DGKH: variants seen among roughly 807,000 people sequenced by gnomAD.
DGKH encodes DAG kinase eta.
DGKH carries 90 observed loss-of-function variants against 159.3 expected under a neutral mutation model. That is an observed-to-expected ratio of 0.57 (90% CI 0.48 to 0.67). DGKH has a LOEUF of 0.67. Among genes scored for constraint, DGKH ranks in the 30% least tolerant of loss-of-function variants. The pLI is 0.00. For missense variants in DGKH, 1,181 were observed against 1,506.1 expected (o/e 0.78, Z 3.57); for synonymous variants, 536 against 553.8 (o/e 0.97, Z 0.45).
intron 1 of DGKH, among the ~76,000 whole-genome samples, chr13:42,084,802 T>C (rs1954271581): frequency 6.6e-6 from 1 of 152,086 alleles, no homozygotes; most frequent in Non-Finnish European, 1.5e-5. Context: ...ACAAGGACTT[T>C]AATGCCACCT....
intron 1 of DGKH, among the ~76,000 whole-genome samples, chr13:42,107,477 C>A (rs1048321376): frequency 2.6e-5 from 4 of 152,106 alleles, no homozygotes; most frequent in Admixed American, 2.6e-4. Context: ...TGATGAACAA[C>A]CAATAAAGAT....
chr13:42,141,975 C>G (rs1221788632), intron 3 of DGKH, among the ~76,000 whole-genome samples: 1 of 151,408 alleles, frequency 6.6e-6, no homozygotes, highest in Admixed American at 6.6e-5. Flanking sequence ...TTGCCCATGC[C>G]TATGTCCTGA....
upstream of DGKH, among the ~76,000 whole-genome samples, chr13:42,047,671 C>G (rs955030601): frequency 6.6e-6 from 1 of 152,196 alleles, no homozygotes; most frequent in African/African-American, 2.4e-5. Context: ...AGCCAGCTTG[C>G]AGGGGAGTTG....
At chr13:42,218,923 G>A (rs1957883614) in intron 26 of DGKH, among the ~76,000 whole-genome samples, 1 of 151,788 alleles carries the variant, frequency 6.6e-6, no homozygotes, top group Non-Finnish European at 1.5e-5. Flanking sequence ...CATGAAGGAG[G>A]GAGACAGGAA....
At position 42,131,407 on chromosome 13, in the gene DGKH, C is replaced by T. The variant is rs148130592; in HGVS notation, c.384+1775C>T. 1.2e-3 allele frequency among the ~76,000 whole-genome samples: 188 copies of T among 152,284 alleles called. 1 individual carries two copies. The highest frequency in any genetic ancestry group is 2.6e-3 in the Admixed American group (40 of 15,300). On this transcript the variant is annotated intron_variant, in intron 3 of 29. Coordinates refer to ENST00000337343, the MANE Select transcript of DGKH (RefSeq NM_178009.5). ...TGAGTAAGCTGACGGGTGTAGGAAT[C>T]AGAGCGCAGGTTAAGAGATCAGCAT...
intron 1 of DGKH, among the ~76,000 whole-genome samples, chr13:42,110,817 A>G (rs1954850125): frequency 6.6e-6 from 1 of 152,250 alleles, no homozygotes; most frequent in African/African-American, 2.4e-5. Flanking sequence ...TCTGGTATTT[A>G]TACAGCATGT....
At chr13:42,165,057 CT>C (rs1292010969) in intron 7 of DGKH, among the ~76,000 whole-genome samples, 1 of 152,150 alleles carries the variant, frequency 6.6e-6, no homozygotes. Flanking sequence ...GGTCTCTTCT[CT>C]TTCTCTCTCT....
chr13:42,134,800 C>T (rs761896803), intron 3 of DGKH, among the ~76,000 whole-genome samples: 3 of 151,886 alleles, frequency 2.0e-5, no homozygotes, highest in African/African-American at 4.8e-5. Flanking sequence ...GCTAGGCGAA[C>T]CCCCCTTGTC....
intron 14 of DGKH, among the ~76,000 whole-genome samples, chr13:42,188,817 G>A (rs80259044): frequency 0.02 from 3,102 of 152,132 alleles, 101 homozygotes; most frequent in African/African-American, 0.069. Context: ...TAAATCAAAA[G>A]CCATAATTTA....
intron 30 of DGKH, among the ~76,000 whole-genome samples, chr13:42,254,865 G>A (rs1045296852): frequency 1.3e-5 from 2 of 152,044 alleles, no homozygotes; most frequent in African/African-American, 4.8e-5. Context: ...ATTTTCAAAT[G>A]ATTTTGCCAT....
chr13:42,195,895 A>AT (rs1428655061), intron 17 of DGKH: 2 of 152,242 alleles, frequency 1.3e-5, no homozygotes, highest in Non-Finnish European at 2.9e-5. Flanking sequence ...TTTACAAATA[A>AT]TATATCTGAT....
chr13:42,247,813 C>T (rs1175120337), downstream of DGKH, among the ~76,000 whole-genome samples: 3 of 149,384 alleles, frequency 2.0e-5, no homozygotes, highest in East Asian at 6.0e-4. Context: ...AAAACAAAAA[C>T]AATTTTAATA....
chr13:42,190,422 T>G lies in DGKH; in HGVS notation c.1932T>G (p.Val644=). ...CTGAAGTTATGGATGACCCGACAGT[T>G]CACCCCTGTGAACCAGCTAATCAGT... ...EAGKVMDDPT[V]HPCEPANQSS... Residue 644 remains valine, a synonymous_variant, in exon 16 of 30, where the codon GTT becomes GTG. Transcript: ENST00000337343. The G allele has an allele frequency of 6.2e-7, 1 of 1,608,816 alleles. No individual in the cohort carries two copies.
chr13:42,070,588 A>G, intron 1 of DGKH: 2 of 1,595,370 alleles, frequency 1.3e-6, no homozygotes, highest in South Asian at 1.1e-5. Flanking sequence ...AAAGTCGCCT[A>G]TCTTCAGCAC....
chr13:42,185,996 G>C (rs920715152), intron 13 of DGKH, among the ~76,000 whole-genome samples: 23 of 110,190 alleles, frequency 2.1e-4, no homozygotes, highest in Non-Finnish European at 3.8e-4. Flanking sequence ...TGGGGGAGGA[G>C]TGGTGGTGGT....
In DGKH at chr13:42,189,041, A is replaced by G. The variant is rs1423057149; in HGVS notation, c.1644A>G (p.Ser548=). Residue 548 remains serine (S), a synonymous_variant, in exon 15 of 30, where the codon TCA becomes TCG. Coordinates refer to ENST00000337343, the MANE Select transcript of DGKH (RefSeq NM_178009.5). Reference sequence around the variant, plus strand: ...TTGCCATATTTTCCTCTCAGTGTTCAGTCCTAAACGAGAAGCTCGAACAAC... The same window carrying G: ...TTGCCATATTTTCCTCTCAGTGTTCGGTCCTAAACGAGAAGCTCGAACAAC... ...VVADAVASKC[S]VLNEKLEQLL... The G allele has an allele frequency of 5.6e-6, 9 of 1,613,464 alleles. No individual in the cohort carries two copies. Among genetic ancestry groups the G allele is most frequent in the Non-Finnish European group, 7.6e-6 (9 of 1,179,532 alleles).
intron 1 of DGKH, among the ~76,000 whole-genome samples, chr13:42,092,588 C>T (rs1012999380): frequency 1.3e-5 from 2 of 151,866 alleles, no homozygotes; most frequent in Non-Finnish European, 2.9e-5. Context: ...TTACTAGAGG[C>T]TGGGAAGGGA....
At chr13:42,179,216 A>T (rs954598670) in intron 13 of DGKH, among the ~76,000 whole-genome samples, 9 of 152,242 alleles carry the variant, frequency 5.9e-5, no homozygotes. Flanking sequence ...TTTGGCGGGC[A>T]GTGCTGCAGG....
At chr13:42,112,952 C>A (rs1189262494) in intron 1 of DGKH, among the ~76,000 whole-genome samples, 1 of 152,190 alleles carries the variant, frequency 6.6e-6, no homozygotes, top group African/African-American at 2.4e-5. Flanking sequence ...AGCTCTTATT[C>A]CCTCGTTGGA....
Sources: gnomAD v4.1 joint callset for allele counts (sites outside exome capture counted in the v4.1 genomes callset) on GRCh38, gnomAD v4.1.1 for gene constraint, MANE v1.5 for transcripts, NCBI Gene and HGNC (gene_info 2026-07-23, HGNC 2026-07-21) for gene names.